Variants in HS1BP3 observed in about 807,000 individuals in gnomAD.
The protein encoded by HS1BP3 is HCLS1 binding protein 3.
A neutral mutation model predicts 33.5 loss-of-function variants in HS1BP3; 32 were observed. The ratio of observed to expected loss-of-function variants is 0.95; its 90% CI spans 0.72 to 1.28. The LOEUF (loss-of-function observed/expected upper bound fraction) is 1.28. HS1BP3 is among the 50% of genes most tolerant of loss of function. The probability of loss-of-function intolerance (pLI) is 0.00; values close to 1 mark genes in which losing one functional copy is unlikely to be tolerated. For synonymous variants in HS1BP3, 187 were observed against 209.2 expected, an observed-to-expected ratio of 0.89 and a Z score of 0.92; for missense variants, 486 against 502.3, an observed-to-expected ratio of 0.97 and a Z score of 0.31.
intron 4 of HS1BP3, among the ~76,000 whole-genome samples, chr2:20,626,833 A>G (rs1322608316): frequency 6.6e-6 from 1 of 152,164 alleles, no homozygotes; most frequent in Non-Finnish European, 1.5e-5. Flanking sequence ...TGCTCCTCTG[A>G]GACCTGGAGG....
chr2:20,636,077 A>G (rs1695118702), intron 4 of HS1BP3: 1 of 151,890 alleles, frequency 6.6e-6, no homozygotes, highest in Non-Finnish European at 1.5e-5. Context: ...AAGCCCAGAC[A>G]TGGGGCAGGG....
chr2:20,564,950 T>C (rs1479937313), intron 5 of HS1BP3, among the ~76,000 whole-genome samples: 1 of 152,220 alleles, frequency 6.6e-6, no homozygotes, highest in African/African-American at 2.4e-5. Flanking sequence ...TCCTCCTGCA[T>C]GGCAGACAAG....
intron 5 of HS1BP3, among the ~76,000 whole-genome samples, chr2:20,574,714 A>C (rs1231243703): frequency 6.6e-6 from 1 of 152,226 alleles, no homozygotes; most frequent in African/African-American, 2.4e-5. Context: ...GCACCCGGGC[A>C]GGCAGTGCTG....
At chr2:20,617,031 G>A (rs1694442654), downstream of HS1BP3, among the ~76,000 whole-genome samples, 2 of 152,180 alleles carry the variant, frequency 1.3e-5, no homozygotes, top group South Asian at 4.1e-4. Context: ...GCCAGGTTCT[G>A]CCAGTGACCC....
intron 5 of HS1BP3, among the ~76,000 whole-genome samples, chr2:20,577,802 G>T (rs776153983): frequency 1.3e-5 from 2 of 152,232 alleles, no homozygotes; most frequent in Non-Finnish European, 2.9e-5. Flanking sequence ...TATTGTCTAA[G>T]CTACACTCCC....
At position 20,623,964 on chromosome 2, in the gene HS1BP3, T is replaced by C. The variant is rs6531248; in HGVS notation, c.852A>G (p.Pro284=). ...TGGGCCCTCCACTCTCACAGGCGGC[T>C]GGCAGCAGGAGGGAGTCACCCAGGG... ...AIPLGDSLLL[P]AACESGGPTP... Residue 284 remains proline (P), a synonymous_variant, in exon 6 of 7, where the codon CCA becomes CCG. Coordinates refer to ENST00000304031, the MANE Select transcript of HS1BP3 (RefSeq NM_022460.4). The C allele has an allele frequency of 1, 1,611,181 of 1,612,610 alleles. 804,887 individuals are homozygous for C. Among genetic ancestry groups the C allele is most frequent in the Non-Finnish European group, 1 (1,179,927 of 1,179,946 alleles).
chr2:20,586,941 G>A (rs1693697233), intron 5 of HS1BP3, among the ~76,000 whole-genome samples: 1 of 152,152 alleles, frequency 6.6e-6, no homozygotes, highest in Non-Finnish European at 1.5e-5. Flanking sequence ...AGCTGGTGTA[G>A]ACCGTAACAC....
At chr2:20,580,649 G>A (rs1482996220) in intron 5 of HS1BP3, among the ~76,000 whole-genome samples, 3 of 152,314 alleles carry the variant, frequency 2.0e-5, no homozygotes, top group African/African-American at 7.2e-5. Context: ...AGTTCATGAG[G>A]ATGTTGTCAA....
chr2:20,554,297 A>G, the HS1BP3 span, among the ~76,000 whole-genome samples: 1 of 152,226 alleles, frequency 6.6e-6, no homozygotes, highest in Non-Finnish European at 1.5e-5. Flanking sequence ...ATCTGCTAAC[A>G]TTGAGGTCAC....
At chr2:20,564,851 T>C (rs1356068475) in intron 5 of HS1BP3, among the ~76,000 whole-genome samples, 1 of 152,120 alleles carries the variant, frequency 6.6e-6, no homozygotes, top group Non-Finnish European at 1.5e-5. Context: ...AGAATGGAGG[T>C]ACTGCCACAC....
At position 20,624,647 on chromosome 2, in the gene HS1BP3, T is replaced by C. The variant is rs983264033; in HGVS notation, c.784+85A>G. On this transcript the variant is annotated intron_variant, in intron 5 of 6. Coordinates refer to ENST00000304031, the MANE Select transcript of HS1BP3 (RefSeq NM_022460.4). Reference sequence around the variant, plus strand: ...GACAGGGGAGATATATGGGTCCTATTCACGCCGGGTGAGTCCAGACCCTGC... The same window carrying C: ...GACAGGGGAGATATATGGGTCCTATCCACGCCGGGTGAGTCCAGACCCTGC... The C allele has an allele frequency of 3.7e-5, 49 of 1,308,498 alleles. 1 individual carries two copies. The highest frequency in any genetic ancestry group is 5.0e-5 in the Non-Finnish European group (47 of 948,468). 81.1% of individuals were successfully genotyped at this position (1,308,498 alleles called of 1,614,324 possible).
At chr2:20,637,391 C>A (rs1038004003) in intron 4 of HS1BP3, 5 of 152,270 alleles carry the variant, frequency 3.3e-5, no homozygotes, top group Admixed American at 6.5e-5. Flanking sequence ...CTGGCTGCCT[C>A]TCCCTCAGGG....
chr2:20,613,524 C>T (rs947642505), downstream of HS1BP3, among the ~76,000 whole-genome samples: 2 of 152,232 alleles, frequency 1.3e-5, no homozygotes, highest in African/African-American at 4.8e-5. Context: ...CGCCGCTGCC[C>T]GCCTGCCAGC....
chr2:20,610,447 T>G (rs1468057599), intron 2 of HS1BP3, among the ~76,000 whole-genome samples: 1 of 152,228 alleles, frequency 6.6e-6, no homozygotes, highest in African/African-American at 2.4e-5. Flanking sequence ...CCAGGTCAGA[T>G]AGCTGGAATC....
intron 5 of HS1BP3, among the ~76,000 whole-genome samples, chr2:20,561,335 G>C (rs1692988895): frequency 6.6e-6 from 1 of 152,090 alleles, no homozygotes; most frequent in South Asian, 2.1e-4. Context: ...GCTGACTCAG[G>C]GCCTGCAGAG....
In HS1BP3 at chr2:20,618,938, C is replaced by T. The variant is rs376644274; in HGVS notation, c.*49G>A. 21 of 1,577,796 alleles carry T rather than the reference C, an allele frequency of 1.3e-5. No homozygotes were observed. The highest frequency in any genetic ancestry group is 1.7e-4 in the Middle Eastern group (1 of 5,886). On this transcript the variant is annotated 3_prime_UTR_variant, in exon 7 of 7. Transcript: ENST00000304031. Reference sequence around the variant, plus strand: ...AGGGCCCAGTCCCTTCCCTTCACACCGATGTCCCCACAGACAGGCCTGCTG... The same window carrying T: ...AGGGCCCAGTCCCTTCCCTTCACACTGATGTCCCCACAGACAGGCCTGCTG...
the HS1BP3 span, among the ~76,000 whole-genome samples, chr2:20,555,328 C>T: frequency 6.6e-6 from 1 of 152,202 alleles, no homozygotes. Context: ...GTTCCGGCTG[C>T]CTAGTTTTTG....
chr2:20,599,984 C>T (rs188267935), intron 2 of HS1BP3, among the ~76,000 whole-genome samples: 19 of 152,218 alleles, frequency 1.2e-4, no homozygotes, highest in African/African-American at 3.4e-4. Context: ...ATTCCAGATG[C>T]GAGCCCTCAG....
chr2:20,588,320 T>C (rs569228173), downstream of HS1BP3, among the ~76,000 whole-genome samples: 27 of 152,336 alleles, frequency 1.8e-4, no homozygotes, highest in Admixed American at 7.2e-4. Context: ...CAGTGTCTTC[T>C]GAATTATTCC....
Sources: gnomAD v4.1 joint callset for allele counts (sites outside exome capture counted in the v4.1 genomes callset) on GRCh38, gnomAD v4.1.1 for gene constraint, MANE v1.5 for transcripts, NCBI Gene and HGNC (gene_info 2026-07-23, HGNC 2026-07-21) for gene names.